The following DCUN1D1 variants were observed in gnomAD, a reference collection of about 807,000 sequenced individuals.
DCUN1D1 encodes DCN1-like protein 1.
Under a neutral mutation model 39.0 loss-of-function variants are expected in DCUN1D1, and 3 were observed. That is an observed-to-expected ratio of 0.08 (90% CI 0.04 to 0.20). The LOEUF is 0.20. Among genes scored for constraint, DCUN1D1 ranks in the 10% least tolerant of loss-of-function variants. DCUN1D1 has a pLI of 1.00. For synonymous variants in DCUN1D1, 82 were observed against 96.3 expected, an observed-to-expected ratio of 0.85 and a Z score of 0.87; for missense variants, 158 against 302.4, an observed-to-expected ratio of 0.52 and a Z score of 3.54.
At chr3:182,957,103 T>C (rs143328138) in intron 4 of DCUN1D1, among the ~76,000 whole-genome samples, 8 of 152,322 alleles carry the variant, frequency 5.3e-5, no homozygotes, top group African/African-American at 1.7e-4. Flanking sequence ...AGAGCAATGA[T>C]AGAAGTAATA....
chr3:182,946,031 G>A (rs988035404), intron 6 of DCUN1D1, among the ~76,000 whole-genome samples: 2 of 151,938 alleles, frequency 1.3e-5, no homozygotes, highest in Non-Finnish European at 2.9e-5. Flanking sequence ...AGATCACAGG[G>A]GGTTTTTCAA....
At chr3:182,945,993 G>A (rs1289276175) in intron 6 of DCUN1D1, among the ~76,000 whole-genome samples, 1 of 151,816 alleles carries the variant, frequency 6.6e-6, no homozygotes, top group African/African-American at 2.4e-5. Flanking sequence ...ATGATTCCAG[G>A]ACACTTTTAA....
intron 1 of DCUN1D1, among the ~76,000 whole-genome samples, chr3:182,977,624 C>A (rs1222053985): frequency 6.6e-6 from 1 of 151,962 alleles, no homozygotes; most frequent in African/African-American, 2.4e-5. Context: ...TTAGTAGAGA[C>A]GGGGTTTCAC....
intron 4 of DCUN1D1, among the ~76,000 whole-genome samples, chr3:182,949,557 A>T (rs1442227507): frequency 6.6e-6 from 1 of 152,114 alleles, no homozygotes; most frequent in East Asian, 1.9e-4. Context: ...CCATCTCTAG[A>T]AAAAATTTAA....
At chr3:182,978,999 G>T (rs992051575) in intron 1 of DCUN1D1, among the ~76,000 whole-genome samples, 1 of 152,088 alleles carries the variant, frequency 6.6e-6, no homozygotes, top group Non-Finnish European at 1.5e-5. Flanking sequence ...TGTTTCCCAG[G>T]GAATTAACGT....
At position 182,980,522 on chromosome 3, in the gene DCUN1D1, C is replaced by A. The variant is rs777544483; in HGVS notation, c.-33G>T. 6 of 1,237,624 alleles carry A rather than the reference C, an allele frequency of 4.8e-6. No individual in the cohort carries two copies. The Admixed American group carries it at 1.4e-4, about 30-fold the overall frequency. 76.7% of individuals were successfully genotyped at this position (1,237,624 alleles called of 1,614,324 possible). On this transcript the variant is annotated 5_prime_UTR_variant, in exon 1 of 7. Transcript: ENST00000292782. ...TCCTCCAGGCCTCTCCCCTCCTCCTCCGGCTCCGCAGCGAATGGACGGCGG... is the reference window on the plus strand; with the variant it reads ...TCCTCCAGGCCTCTCCCCTCCTCCTACGGCTCCGCAGCGAATGGACGGCGG...
In DCUN1D1 at chr3:182,941,998, T is replaced by C. The variant is rs1000373493; in HGVS notation, c.*3096A>G. On this transcript the variant is annotated 3_prime_UTR_variant, in exon 7 of 7. Coordinates refer to ENST00000292782, the MANE Select transcript of DCUN1D1 (RefSeq NM_020640.4). ...AAATAAAAAATAAATGAACACTTCA[T>C]TCATTTAAGTCTGAGGAAAAAATAG... The C allele has an allele frequency of 6.6e-6, 1 of 152,154 alleles. No individual in the cohort carries two copies. Among genetic ancestry groups the C allele is most frequent in the African/African-American group, 2.4e-5 (1 of 41,468 alleles). 9.4% of individuals were successfully genotyped at this position (152,154 alleles called of 1,614,324 possible).
intron 1 of DCUN1D1, among the ~76,000 whole-genome samples, chr3:182,969,352 T>C (rs767731069): frequency 2.6e-5 from 4 of 152,168 alleles, no homozygotes; most frequent in Non-Finnish European, 5.9e-5. Flanking sequence ...AGATTTAAAT[T>C]TTTATCAACA....
chr3:182,942,002 T>C lies in DCUN1D1; in HGVS notation c.*3092A>G, dbSNP rs568597913. 63 of 152,216 alleles carry C rather than the reference T, an allele frequency of 4.1e-4. No homozygotes were observed. Among genetic ancestry groups the C allele is most frequent in the African/African-American group, 1.4e-3 (59 of 41,556 alleles). 9.4% of individuals were successfully genotyped at this position (152,216 alleles called of 1,614,324 possible). A position where few individuals can be genotyped will look rare whatever the true frequency, so the allele number is the denominator to read the frequency against. On this transcript the variant is annotated 3_prime_UTR_variant, in exon 7 of 7. Transcript: ENST00000292782. ...AAAAAATAAATGAACACTTCATTCA[T>C]TTAAGTCTGAGGAAAAAATAGTGTA...
chr3:182,960,559 C>T (rs1727330590), intron 4 of DCUN1D1, among the ~76,000 whole-genome samples: 1 of 152,340 alleles, frequency 6.6e-6, no homozygotes. Context: ...CCCAACCACT[C>T]CTGCTTTTAC....
upstream of DCUN1D1, among the ~76,000 whole-genome samples, chr3:182,981,331 A>C (rs1728542336): frequency 6.6e-6 from 1 of 152,152 alleles, no homozygotes; most frequent in African/African-American, 2.4e-5. Context: ...AAGCAACTAC[A>C]CATTTTTTCA....
At chr3:182,980,566 T>C, upstream of DCUN1D1, 1 of 1,176,322 alleles carries the variant, frequency 8.5e-7, no homozygotes, top group Non-Finnish European at 1.1e-6. Flanking sequence ...GCGGCTCCTC[T>C]CACGGGCTTG....
intron 1 of DCUN1D1, among the ~76,000 whole-genome samples, chr3:182,975,394 T>C (rs1408162060): frequency 6.6e-6 from 1 of 151,776 alleles, no homozygotes; most frequent in Non-Finnish European, 1.5e-5. Context: ...GCCAGGATGG[T>C]CTTGATCTCC....
At chr3:182,974,347 G>A (rs901925415) in intron 1 of DCUN1D1, among the ~76,000 whole-genome samples, 5 of 151,788 alleles carry the variant, frequency 3.3e-5, no homozygotes, top group African/African-American at 9.7e-5. Context: ...TCATCATATC[G>A]CAATTGATTC....
At chr3:182,974,382 T>A (rs1218856972) in intron 1 of DCUN1D1, among the ~76,000 whole-genome samples, 2 of 152,130 alleles carry the variant, frequency 1.3e-5, no homozygotes, top group Admixed American at 1.3e-4. Context: ...CTTGAACTTC[T>A]AACAAGAAAT....
chr3:182,962,907 A>G (rs542549191), intron 3 of DCUN1D1, among the ~76,000 whole-genome samples: 21 of 152,114 alleles, frequency 1.4e-4, no homozygotes, highest in African/African-American at 4.8e-4. Flanking sequence ...CAGCCTCCCA[A>G]GTAGCTGGGA....
intron 1 of DCUN1D1, among the ~76,000 whole-genome samples, chr3:182,974,913 G>T (rs1386438218): frequency 6.6e-6 from 1 of 151,932 alleles, no homozygotes; most frequent in African/African-American, 2.4e-5. Flanking sequence ...TCTTGTGGGG[G>T]TGGGCGCACA....
upstream of DCUN1D1, among the ~76,000 whole-genome samples, chr3:182,982,952 C>CT: frequency 6.6e-6 from 1 of 152,196 alleles, no homozygotes; most frequent in South Asian, 2.1e-4. Context: ...CCAGCCAATT[C>CT]TTTATCATCT....
chr3:182,959,090 A>G (rs1410061076), intron 4 of DCUN1D1, among the ~76,000 whole-genome samples: 2 of 152,204 alleles, frequency 1.3e-5, no homozygotes, highest in African/African-American at 4.8e-5. Context: ...TGTGGAAGGA[A>G]AGAGAAAAAC....
Sources: allele counts gnomAD v4.1 joint callset (sites outside exome capture counted in the v4.1 genomes callset), GRCh38; gene constraint gnomAD v4.1.1; transcripts MANE v1.5; gene names NCBI Gene and HGNC (gene_info 2026-07-23, HGNC 2026-07-21).